The following HDAC9 variants were observed in gnomAD, a reference collection of about 807,000 sequenced individuals.
HDAC9 encodes histone deacetylase 9.
Under a neutral mutation model 139.4 loss-of-function variants are expected in HDAC9, and 41 were observed. That is an observed-to-expected ratio of 0.29 (90% CI 0.23 to 0.38). The LOEUF (loss-of-function observed/expected upper bound fraction) is 0.38, where lower values mean the gene tolerates loss of function less well. Ranked by LOEUF, HDAC9 falls within the 10% of genes least tolerant of loss-of-function variation. The pLI is 1.00. For synonymous variants in HDAC9, 517 were observed against 476.2 expected (o/e 1.09, Z -1.12); for missense variants, 1,147 against 1,297.0 (o/e 0.88, Z 1.78).
chr7:18,712,479 TA>T (rs747433492), intron 12 of HDAC9, among the ~76,000 whole-genome samples: 1 of 152,234 alleles, frequency 6.6e-6, no homozygotes, highest in Non-Finnish European at 1.5e-5. Flanking sequence ...TAGCTACTAA[TA>T]ACTAAAAGCA....
intron 7 of HDAC9, among the ~76,000 whole-genome samples, chr7:18,630,308 T>C (rs548852033): frequency 2.6e-5 from 4 of 152,076 alleles, no homozygotes; most frequent in Non-Finnish European, 5.9e-5. Flanking sequence ...TTTCCCATTC[T>C]CAAGGAAAAC....
chr7:18,975,144 CCTCT>C (rs1011052866), intron 24 of HDAC9, among the ~76,000 whole-genome samples: 5 of 152,160 alleles, frequency 3.3e-5, no homozygotes, highest in Non-Finnish European at 5.9e-5. Flanking sequence ...CTTCTATTTT[CCTCT>C]CTTTCTCCTT....
chr7:18,559,437 C>G (rs1216434326), intron 2 of HDAC9, among the ~76,000 whole-genome samples: 2 of 152,160 alleles, frequency 1.3e-5, no homozygotes, highest in African/African-American at 4.8e-5. Flanking sequence ...ACATATCAAT[C>G]TCTCTAAATG....
intron 22 of HDAC9, among the ~76,000 whole-genome samples, chr7:18,916,022 G>GGAAAAAAAAAAAA (rs1491394538): frequency 5.4e-4 from 75 of 138,128 alleles, no homozygotes; most frequent in East Asian, 3.4e-3. Context: ...CCCCCCGCTG[G>GGAAAAAAAAAAAA]AAAAAAAAAA....
At chr7:18,323,458 C>T (rs1237202767) in intron 1 of HDAC9, among the ~76,000 whole-genome samples, 1 of 152,170 alleles carries the variant, frequency 6.6e-6, no homozygotes, top group Non-Finnish European at 1.5e-5. Context: ...GTGAAAGCTC[C>T]AGTCCTCACT....
intron 1 of HDAC9, among the ~76,000 whole-genome samples, chr7:18,090,536 C>A (rs1782077384): frequency 6.6e-6 from 1 of 152,206 alleles, no homozygotes. Flanking sequence ...TACCTACTGC[C>A]CTTTTACTGA....
intron 1 of HDAC9, among the ~76,000 whole-genome samples, chr7:18,392,418 TAGATAGATAGATAGATAGATAGAC>T (rs1786613987): frequency 6.6e-6 from 1 of 151,460 alleles, no homozygotes; most frequent in Admixed American, 6.6e-5. Flanking sequence ...GATAGATAGA[TAGATAGATAGATAGATAGATAGAC>T]AGATATTCTT....
chr7:18,913,713 C>T (rs1802937210), intron 22 of HDAC9, among the ~76,000 whole-genome samples: 1 of 150,728 alleles, frequency 6.6e-6, no homozygotes, highest in Admixed American at 6.7e-5. Context: ...AGTTAAAACC[C>T]TAGAAGATAA....
At chr7:18,386,840 TTAGTC>T (rs1562941011) in intron 1 of HDAC9, among the ~76,000 whole-genome samples, 1 of 152,200 alleles carries the variant, frequency 6.6e-6, no homozygotes, top group Non-Finnish European at 1.5e-5. Flanking sequence ...CTAATGGAAT[TTAGTC>T]TGGTCTCTTG....
chr7:18,884,030 G>A (rs1473365985), intron 22 of HDAC9, among the ~76,000 whole-genome samples: 2 of 152,096 alleles, frequency 1.3e-5, no homozygotes, highest in African/African-American at 2.4e-5. Context: ...ATAAAATGTT[G>A]ATGAAAAATA....
intron 12 of HDAC9, among the ~76,000 whole-genome samples, chr7:18,723,307 G>C (rs1282717563): frequency 2.0e-5 from 3 of 152,088 alleles, no homozygotes; most frequent in African/African-American, 7.2e-5. Flanking sequence ...ACACTGCATG[G>C]GAATGATATG....
chr7:18,832,117 T>G (rs1450667756), intron 19 of HDAC9, among the ~76,000 whole-genome samples: 1 of 152,198 alleles, frequency 6.6e-6, no homozygotes, highest in Non-Finnish European at 1.5e-5. Context: ...AGGGAGCAGG[T>G]GTACTTGCTT....
At chr7:18,443,236 A>C (rs906139909) in intron 1 of HDAC9, among the ~76,000 whole-genome samples, 1 of 152,130 alleles carries the variant, frequency 6.6e-6, no homozygotes, top group Non-Finnish European at 1.5e-5. Flanking sequence ...ATAAATTTCC[A>C]CAGGGATTAG....
chr7:18,215,099 A>G (rs913562885), intron 2 of HDAC9, among the ~76,000 whole-genome samples: 52 of 152,300 alleles, frequency 3.4e-4, no homozygotes, highest in Admixed American at 2.2e-3. Flanking sequence ...AACAGATAAT[A>G]TTCCTTTCTA....
At chr7:18,216,137 A>T (rs1792295551) in intron 2 of HDAC9, among the ~76,000 whole-genome samples, 1 of 151,640 alleles carries the variant, frequency 6.6e-6, no homozygotes. Flanking sequence ...TGTGAGAGAG[A>T]GAGAGAGAGA....
intron 7 of HDAC9, among the ~76,000 whole-genome samples, chr7:18,632,559 A>G (rs1454905682): frequency 6.6e-6 from 1 of 152,134 alleles, no homozygotes; most frequent in Non-Finnish European, 1.5e-5. Flanking sequence ...ATACAAAAGC[A>G]TGAACTGGAA....
chr7:18,296,944 G>A (rs974459405), intron 1 of HDAC9, among the ~76,000 whole-genome samples: 2 of 152,200 alleles, frequency 1.3e-5, no homozygotes, highest in African/African-American at 4.8e-5. Context: ...TGTATGCGGT[G>A]CCTTCTTTCA....
chr7:18,398,934 G>A (rs1787295317), intron 1 of HDAC9, among the ~76,000 whole-genome samples: 1 of 151,996 alleles, frequency 6.6e-6, no homozygotes, highest in African/African-American at 2.4e-5. Context: ...TGTCACAGGA[G>A]AAAGGTGTAT....
intron 22 of HDAC9, among the ~76,000 whole-genome samples, chr7:18,887,977 AC>A: frequency 6.6e-6 from 1 of 152,200 alleles, no homozygotes; most frequent in Non-Finnish European, 1.5e-5. Context: ...AGCCACCTTT[AC>A]CCAATATTTC....
Sources: gnomAD v4.1 joint callset for allele counts (sites outside exome capture counted in the v4.1 genomes callset) on GRCh38, gnomAD v4.1.1 for gene constraint, MANE v1.5 for transcripts, NCBI Gene and HGNC (gene_info 2026-07-23, HGNC 2026-07-21) for gene names.